The following MICAL3 variants were observed in gnomAD, a reference collection of about 807,000 sequenced individuals.
The protein encoded by MICAL3 is [F-actin]-monooxygenase MICAL3.
MICAL3 carries 62 observed loss-of-function variants against 207.4 expected under a neutral mutation model. The ratio of observed to expected loss-of-function variants is 0.30; its 90% CI spans 0.24 to 0.37. The LOEUF is 0.37. MICAL3 is among the 10% of genes least tolerant of loss of function. The pLI is 1.00. For synonymous variants in MICAL3, 1,077 were observed against 1,069.3 expected (o/e 1.01, Z -0.14); for missense variants, 2,368 against 2,635.6 (o/e 0.90, Z 2.22).
At chr22:17,852,471 G>A (rs148731405) in intron 19 of MICAL3, among the ~76,000 whole-genome samples, 2 of 152,326 alleles carry the variant, frequency 1.3e-5, no homozygotes, top group African/African-American at 4.8e-5. Context: ...TAAACAAGCA[G>A]ACAGACACTA....
At chr22:18,023,609 G>A (rs1292217126) in intron 1 of MICAL3, among the ~76,000 whole-genome samples, 1 of 152,252 alleles carries the variant, frequency 6.6e-6, no homozygotes, top group African/African-American at 2.4e-5. Flanking sequence ...GCCTCCAGAA[G>A]TCATGCGGCC....
At chr22:17,992,377 G>C (rs1340829523) in intron 1 of MICAL3, among the ~76,000 whole-genome samples, 1 of 152,144 alleles carries the variant, frequency 6.6e-6, no homozygotes, top group Non-Finnish European at 1.5e-5. Flanking sequence ...ACCAAATCAA[G>C]AATATTTTAC....
intron 16 of MICAL3, among the ~76,000 whole-genome samples, chr22:17,873,422 G>C (rs908472281): frequency 1.3e-5 from 2 of 152,258 alleles, no homozygotes; most frequent in South Asian, 2.1e-4. Flanking sequence ...CACAGGCAGC[G>C]AACGCTCCCA....
chr22:17,953,930 C>CAAAAAAAAAAAAAAAAAAAAAAA lies in MICAL3; in HGVS notation c.-74-47067_-74-47045dup, dbSNP rs59740388. Among the ~76,000 whole-genome samples the CAAAAAAAAAAAAAAAAAAAAAAA allele has an allele frequency of 4.7e-3, 405 of 86,484 alleles. 8 individuals carry two copies. The highest frequency in any genetic ancestry group is 7.1e-3 in the Non-Finnish European group (310 of 43,390). The allele number at this position is 86,484 out of a possible 152,430, so 56.7% of individuals were successfully genotyped here. A position where few individuals can be genotyped will look rare whatever the true frequency, so the allele number is the denominator to read the frequency against. ...CAGGTGACAGAGTAAGACTCCATCT[C>CAAAAAAAAAAAAAAAAAAAAAAA]AAAAAAAAAAAAAAAAAAAAAAAAA... On this transcript the variant is annotated intron_variant, in intron 1 of 31. Transcript: ENST00000441493.
chr22:17,993,097 C>T (rs1223896828), intron 1 of MICAL3, among the ~76,000 whole-genome samples: 1 of 152,170 alleles, frequency 6.6e-6, no homozygotes, highest in Non-Finnish European at 1.5e-5. Context: ...TGGAAAGAAA[C>T]TGACCCAAGC....
intron 22 of MICAL3, among the ~76,000 whole-genome samples, chr22:17,824,318 G>C (rs1431008237): frequency 6.6e-6 from 1 of 152,202 alleles, no homozygotes; most frequent in African/African-American, 2.4e-5. Flanking sequence ...AGTCCGCACG[G>C]ATCAAAGCCC....
chr22:17,810,734 T>G lies in MICAL3; in HGVS notation c.5525A>C (p.Gln1842Pro). Residue 1842 changes from glutamine to proline, a missense_variant, in exon 28 of 32, where the codon CAG becomes CCG. Transcript: ENST00000441493. The stretch of plus-strand genomic sequence containing the variant: ...TCGATGCAGCCGCTTAAGCTCCTCC[T>G]GCTTGGCCTGTCTCCGAGCTGCCTT... ...VQKAARRQAKQEELKRLHRAQ... is the reference protein window; with the variant it reads ...VQKAARRQAKPEELKRLHRAQ... 3 of 1,613,962 alleles carry G rather than the reference T, an allele frequency of 1.9e-6. No homozygotes were observed. The highest frequency in any genetic ancestry group is 2.5e-6 in the Non-Finnish European group (3 of 1,179,854).
chr22:17,907,226 G>A (rs1399602975), intron 1 of MICAL3, among the ~76,000 whole-genome samples: 2 of 151,858 alleles, frequency 1.3e-5, no homozygotes, highest in Non-Finnish European at 2.9e-5. Context: ...GAAGGGGGGG[G>A]GTCCCCACTG....
At position 17,797,750 on chromosome 22, in the gene MICAL3, T is replaced by C. The variant is rs568164032; in HGVS notation, c.5651-6449A>G. ...GATGATGCGGGAGACTACTAATTTA[T>C]GCCAGAAATGTTTACTGAGCACCCC... On this transcript the variant is annotated intron_variant, in intron 29 of 31. Transcript: ENST00000441493. Among the ~76,000 whole-genome samples, 39 of 152,382 alleles carry C rather than the reference T, an allele frequency of 2.6e-4. 1 individual carries two copies. The South Asian group carries it at 7.9e-3, about 31-fold the overall frequency.
intron 19 of MICAL3, chr22:17,862,226 C>T: frequency 1.0e-6 from 1 of 985,346 alleles, no homozygotes; most frequent in Non-Finnish European, 1.2e-6. Flanking sequence ...AACATACATT[C>T]TGGGACCCTG....
At chr22:17,916,931 TA>T (rs1932561101) in intron 1 of MICAL3, among the ~76,000 whole-genome samples, 1 of 152,176 alleles carries the variant, frequency 6.6e-6, no homozygotes, top group East Asian at 1.9e-4. Flanking sequence ...TCTTTTCACA[TA>T]AATTTAATTT....
At chr22:17,997,793 G>A in intron 1 of MICAL3, among the ~76,000 whole-genome samples, 1 of 152,128 alleles carries the variant, frequency 6.6e-6, no homozygotes, top group East Asian at 1.9e-4. Context: ...TTGTTGTGAG[G>A]AATAAATGAG....
rs147077797 is a variant in MICAL3 at position 17,847,007 on chromosome 22, C to T, written c.2606-4990G>A. Among the ~76,000 whole-genome samples, 454 of 152,350 alleles carry T rather than the reference C, an allele frequency of 3.0e-3. 4 individuals carry two copies. Among genetic ancestry groups the T allele is most frequent in the African/African-American group, 0.01 (431 of 41,588 alleles). ...TTCTCCTAACAGGACAACCTGCTCT[C>T]GGCTGCTGGGCAAGAGCTGGCAGGG... is the stretch of plus-strand genomic sequence containing the variant. On this transcript the variant is annotated intron_variant, in intron 19 of 31. Coordinates refer to ENST00000441493, the MANE Select transcript of MICAL3 (RefSeq NM_015241.3).
At chr22:17,845,326 G>C (rs549728951) in intron 19 of MICAL3, among the ~76,000 whole-genome samples, 1 of 152,188 alleles carries the variant, frequency 6.6e-6, no homozygotes, top group African/African-American at 2.4e-5. Context: ...TCTGTTTGAC[G>C]TGGGTAACGT....
chr22:17,929,513 C>T (rs1016722471), intron 1 of MICAL3, among the ~76,000 whole-genome samples: 3 of 151,718 alleles, frequency 2.0e-5, no homozygotes, highest in Non-Finnish European at 1.5e-5. Flanking sequence ...CCTCTGTAAA[C>T]AGGCCTGAAA....
chr22:17,800,494 GA>G (rs1385700712), intron 29 of MICAL3, among the ~76,000 whole-genome samples: 3 of 152,160 alleles, frequency 2.0e-5, no homozygotes, highest in African/African-American at 7.2e-5. Flanking sequence ...CCAGCTATGT[GA>G]GGAAGGGAAA....
At chr22:17,918,795 G>T (rs771513843) in intron 1 of MICAL3, among the ~76,000 whole-genome samples, 2 of 152,116 alleles carry the variant, frequency 1.3e-5, no homozygotes, top group African/African-American at 2.4e-5. Context: ...GTCTAAAAAT[G>T]CTCTTCCCTC....
chr22:17,980,392 G>A (rs745862301), intron 1 of MICAL3, among the ~76,000 whole-genome samples: 21 of 152,214 alleles, frequency 1.4e-4, no homozygotes, highest in East Asian at 3.9e-4. Context: ...CAGAATTAAC[G>A]GCCTCCTCCA....
chr22:17,954,880 C>T (rs994387273), intron 1 of MICAL3, among the ~76,000 whole-genome samples: 1 of 152,072 alleles, frequency 6.6e-6, no homozygotes, highest in Admixed American at 6.6e-5. Flanking sequence ...GACACCACCA[C>T]GCCCAGCTAA....
Sources: gnomAD v4.1 joint callset for allele counts (sites outside exome capture counted in the v4.1 genomes callset) on GRCh38, gnomAD v4.1.1 for gene constraint, MANE v1.5 for transcripts, NCBI Gene and HGNC (gene_info 2026-07-23, HGNC 2026-07-21) for gene names.